Variants in CEP350 observed in about 807,000 individuals in gnomAD.
CEP350 encodes centrosome-associated protein 350.
In CEP350, 126 loss-of-function variants were observed where a neutral mutation model predicts 331.8. That is an observed-to-expected ratio of 0.38 (90% CI 0.33 to 0.44). CEP350 has a LOEUF of 0.44. CEP350 is among the 20% of genes least tolerant of loss of function. The pLI is 1.00. For missense variants in CEP350, 3,406 were observed against 3,634.6 expected, an observed-to-expected ratio of 0.94 and a Z score of 1.62; for synonymous variants, 1,200 against 1,259.5, an observed-to-expected ratio of 0.95 and a Z score of 1.00.
At chr1:179,991,956 A>G (rs1183261715) in intron 4 of CEP350, 106 bp from the exon 5 acceptor site, 1 of 1,058,460 alleles carries the variant, frequency 9.4e-7, no homozygotes, top group African/African-American at 1.7e-5. Context: ...ATAATATCCA[A>G]CTATTAGAAA....
At chr1:180,030,349 A>AAT (rs984701139) in intron 14 of CEP350, among the ~76,000 whole-genome samples, 5 of 147,938 alleles carry the variant, frequency 3.4e-5, no homozygotes, top group East Asian at 1.9e-4. Flanking sequence ...ATATAAACAT[A>AAT]ATATATATAT....
At position 180,099,079 on chromosome 1, in the gene CEP350, C is replaced by T. The variant is rs1357175770; in HGVS notation, c.9189+94C>T. On this transcript the variant is annotated intron_variant, in intron 37 of 37. Transcript: ENST00000367607. ...TAAAAGGAAAAGGGATAGACTTATT[C>T]TTAAATCTATGGTATTAAAATCTTA... 9 of 1,232,160 alleles carry T rather than the reference C, an allele frequency of 7.3e-6. No individual in the cohort carries two copies. In the East Asian group the frequency reaches 1.7e-4, roughly 23 times the overall value. 76.3% of individuals were successfully genotyped at this position (1,232,160 alleles called of 1,614,324 possible).
At chr1:180,025,271 A>G (rs1655596493) in intron 14 of CEP350, among the ~76,000 whole-genome samples, 1 of 152,226 alleles carries the variant, frequency 6.6e-6, no homozygotes, top group Admixed American at 6.5e-5. Flanking sequence ...TATAGTATAT[A>G]CATCTCTGAG....
intron 21 of CEP350, 100 bp from the exon 22 acceptor site, chr1:180,048,436 G>C (rs1396742322): frequency 2.9e-6 from 2 of 699,946 alleles, no homozygotes; most frequent in South Asian, 2.0e-5. Context: ...TTTTTATCTT[G>C]ACTATAAAGT....
intron 29 of CEP350, 48 bp downstream of exon 29, chr1:180,078,722 T>G (rs1267841274): frequency 6.8e-7 from 1 of 1,462,072 alleles, no homozygotes; most frequent in Non-Finnish European, 9.3e-7. Flanking sequence ...GAAAAAAAAC[T>G]GAAAGGTATG....
intron 8 of CEP350, among the ~76,000 whole-genome samples, chr1:180,008,089 C>G (rs552959557): frequency 6.6e-6 from 1 of 152,034 alleles, no homozygotes; most frequent in African/African-American, 2.4e-5. Flanking sequence ...CTTTTCTATA[C>G]AAGGGGATTG....
At position 180,114,529 on chromosome 1, in the gene CEP350, A is replaced by G. The variant is rs1661588467; in HGVS notation, c.*3368A>G. 1 of 152,660 alleles carries G rather than the reference A, an allele frequency of 6.6e-6. No homozygotes were observed. Among genetic ancestry groups the G allele is most frequent in the Non-Finnish European group, 1.5e-5 (1 of 68,038 alleles). 9.5% of individuals were successfully genotyped at this position (152,660 alleles called of 1,614,324 possible). A position where few individuals can be genotyped will look rare whatever the true frequency, so the allele number is the denominator to read the frequency against. On this transcript the variant is annotated 3_prime_UTR_variant, in exon 38 of 38. Coordinates refer to ENST00000367607, the MANE Select transcript of CEP350 (RefSeq NM_014810.5). ...AAAGGAGGTACTGTCATTTTAATTA[A>G]CCTATGTTTAATAGCTTTTCCTTCT... is the stretch of plus-strand genomic sequence containing the variant.
intron 9 of CEP350, among the ~76,000 whole-genome samples, chr1:180,013,585 TC>T (rs1200380952): frequency 2.0e-5 from 3 of 152,156 alleles, no homozygotes; most frequent in Non-Finnish European, 4.4e-5. Context: ...ATAAGAGCTA[TC>T]TTTTTTGTCC....
At chr1:179,987,396 C>G in intron 3 of CEP350, 110 bp downstream of exon 3, 1 of 349,424 alleles carries the variant, frequency 2.9e-6, no homozygotes, top group Non-Finnish European at 5.1e-6. Flanking sequence ...CTATATATTA[C>G]TATAGAATAA....
At position 180,094,167 on chromosome 1, in the gene CEP350, A is replaced by G. The variant is rs768293091; in HGVS notation, c.8062A>G (p.Asn2688Asp). 2 of 1,613,610 alleles carry G rather than the reference A, an allele frequency of 1.2e-6. No homozygotes were observed. The highest frequency in any genetic ancestry group is 1.1e-5 in the South Asian group (1 of 91,006). ...CGCTGCAGAAGATGACACTTTAGAC[A>G]ATACCTTTTCCGAAGAATTGGAGAA... ...SIAAEDDTLD[N>D]TFSEELEKQQ... Residue 2688 changes from asparagine to aspartate, a missense_variant, in exon 34 of 38, where the codon AAT (asparagine) becomes GAT (aspartate). Asn to Asp is a conservative substitution (Grantham distance 23, BLOSUM62 1). Transcript: ENST00000367607.
At chr1:180,057,894 T>C (rs1319295879) in intron 25 of CEP350, among the ~76,000 whole-genome samples, 7 of 152,190 alleles carry the variant, frequency 4.6e-5, no homozygotes, top group African/African-American at 1.2e-4. Flanking sequence ...TTTGAGACTT[T>C]TCTGGGTTAA....
chr1:180,040,473 T>C (rs1656688627), intron 17 of CEP350, among the ~76,000 whole-genome samples: 1 of 151,434 alleles, frequency 6.6e-6, no homozygotes, highest in African/African-American at 2.4e-5. Context: ...AAAATAGAGG[T>C]GGGGGGGTCT....
chr1:180,078,276 G>A (rs1289445054), intron 28 of CEP350, among the ~76,000 whole-genome samples, 187 bp from the exon 29 acceptor site: 1 of 152,156 alleles, frequency 6.6e-6, no homozygotes. Flanking sequence ...CACAGAGAGA[G>A]ACAAATAGAC....
rs1661459727 is a variant in CEP350, at chr1:180,111,328, C to T, written c.*167C>T. On this transcript the variant is annotated 3_prime_UTR_variant, in exon 38 of 38. Coordinates refer to ENST00000367607, the MANE Select transcript of CEP350 (RefSeq NM_014810.5). ...GGACAATGTGGTACACCTGGTATTA[C>T]AGCCTTTGCCTTTCGAGACTATCCA... is the stretch of plus-strand genomic sequence containing the variant. 3.9e-6 allele frequency: 3 copies of T among 763,014 alleles called. No individual in the cohort carries two copies. Among genetic ancestry groups the T allele is most frequent in the East Asian group, 2.8e-5 (1 of 35,534 alleles). 47.3% of individuals were successfully genotyped at this position (763,014 alleles called of 1,614,324 possible).
At chr1:180,022,183 A>C (rs1655370997) in intron 12 of CEP350, among the ~76,000 whole-genome samples, 1 of 152,208 alleles carries the variant, frequency 6.6e-6, no homozygotes, top group Non-Finnish European at 1.5e-5. Context: ...TATTAGTGGT[A>C]ATTTTAAATT....
Position 180,022,800 on chromosome 1 carries a change from C to T in CEP350, c.3338C>T (p.Ser1113Phe). ...TCATATGAAGATGATTTTGTCTCCT[C>T]TCCAGGGACTGGGACTTCGACAGAA... ...GVSYEDDFVSSPGTGTSTEKK... is the reference protein window; with the variant it reads ...GVSYEDDFVSFPGTGTSTEKK... Residue 1113 changes from serine to phenylalanine, a missense_variant, in exon 13 of 38, where the codon TCT becomes TTT. This residue lies in a region of CEP350 where 1,857 missense variants were observed against 1,909.2 expected (regional missense o/e 0.97). Coordinates refer to ENST00000367607, the MANE Select transcript of CEP350 (RefSeq NM_014810.5). The T allele has an allele frequency of 1.2e-6, 2 of 1,602,904 alleles. No homozygotes were observed. Among genetic ancestry groups the T allele is most frequent in the Non-Finnish European group, 1.7e-6 (2 of 1,173,944 alleles).
At chr1:180,086,515 T>C (rs527344335) in intron 31 of CEP350, among the ~76,000 whole-genome samples, 26 of 148,040 alleles carry the variant, frequency 1.8e-4, no homozygotes, top group South Asian at 4.4e-4. Context: ...TATTTAACTT[T>C]TAAAATTACA....
chr1:180,083,206 A>G (rs1016123237), intron 30 of CEP350, among the ~76,000 whole-genome samples: 1 of 152,216 alleles, frequency 6.6e-6, no homozygotes, highest in African/African-American at 2.4e-5. Context: ...ACATTAGTAT[A>G]TGGAAATGAC....
chr1:180,093,460 C>T lies in CEP350; in HGVS notation c.7355C>T (p.Ser2452Phe). 1.9e-6 allele frequency: 3 copies of T among 1,607,080 alleles called. No homozygotes were observed. The highest frequency in any genetic ancestry group is 2.6e-6 in the Non-Finnish European group (3 of 1,176,314). The change falls in exon 34 of 38, where the codon TCT becomes TTT. Residue 2452 changes from serine to phenylalanine, a missense_variant. Coordinates refer to ENST00000367607, the MANE Select transcript of CEP350 (RefSeq NM_014810.5). ...KSLSIHSNVH[S>F]DRLLELKSPT... ...CTTTCTATCCATAGCAATGTTCATT[C>T]TGACAGGCTGTTGGAACTCAAGTCC...
Sources: gnomAD v4.1 joint callset for allele counts (sites outside exome capture counted in the v4.1 genomes callset) on GRCh38, gnomAD v4.1.1 for gene constraint, gnomAD v4.1.1 regional missense constraint, MANE v1.5 for transcripts, NCBI Gene and HGNC (gene_info 2026-07-23, HGNC 2026-07-21) for gene names.